NCOA2: variants seen among roughly 807,000 people sequenced by gnomAD.
NCOA2 encodes the protein nuclear receptor coactivator 2.
In NCOA2, 21 loss-of-function variants were observed where a neutral mutation model predicts 145.1. That is an observed-to-expected ratio of 0.14 (90% CI 0.10 to 0.21). The LOEUF (loss-of-function observed/expected upper bound fraction) is 0.21. Ranked by LOEUF, NCOA2 falls within the 10% of genes least tolerant of loss-of-function variation. The pLI, the probability that NCOA2 is intolerant of heterozygous loss-of-function variation, is 1.00. For missense variants in NCOA2, 1,472 were observed against 1,837.6 expected (o/e 0.80, Z 3.64); for synonymous variants, 619 against 637.5 (o/e 0.97, Z 0.44).
At chr8:70,278,991 C>G (rs1314067940) in intron 2 of NCOA2, among the ~76,000 whole-genome samples, 1 of 150,522 alleles carries the variant, frequency 6.6e-6, no homozygotes, top group African/African-American at 2.4e-5. Flanking sequence ...AAAAAAAAAT[C>G]ATTTCATTTC....
chr8:70,414,845 AATAGCC>A, the NCOA2 span, among the ~76,000 whole-genome samples: 1 of 152,238 alleles, frequency 6.6e-6, no homozygotes, highest in Non-Finnish European at 1.5e-5. Context: ...TGACACAACT[AATAGCC>A]ATTCAAGGAC....
the NCOA2 span, among the ~76,000 whole-genome samples, chr8:70,439,854 G>A: frequency 9.2e-5 from 14 of 152,294 alleles, no homozygotes; most frequent in East Asian, 5.8e-4. Context: ...AGGGCCTGCC[G>A]TGTGCTGGGC....
intron 1 of NCOA2, among the ~76,000 whole-genome samples, chr8:70,382,312 G>T (rs556790521): frequency 2.0e-5 from 3 of 152,022 alleles, no homozygotes; most frequent in Admixed American, 2.0e-4. Flanking sequence ...ACGGCTTTTT[G>T]ACTTCGAAGA....
intron 1 of NCOA2, among the ~76,000 whole-genome samples, chr8:70,385,092 C>T (rs1391918278): frequency 6.6e-6 from 1 of 152,196 alleles, no homozygotes; most frequent in African/African-American, 2.4e-5. Context: ...ACCATAAAAA[C>T]CTGACCATAA....
At chr8:70,443,838 G>A in the NCOA2 span, among the ~76,000 whole-genome samples, 2 of 152,112 alleles carry the variant, frequency 1.3e-5, no homozygotes, top group Admixed American at 6.5e-5. Context: ...GCCTCCCAAA[G>A]TGCTGCAATT....
chr8:70,130,736 TCA>T (rs1808996064), intron 16 of NCOA2, among the ~76,000 whole-genome samples: 1 of 152,192 alleles, frequency 6.6e-6, no homozygotes. Context: ...TGATGACACA[TCA>T]TATGGCCAAG....
chr8:70,346,650 T>C (rs1185781872), intron 1 of NCOA2, among the ~76,000 whole-genome samples: 2 of 152,194 alleles, frequency 1.3e-5, no homozygotes, highest in East Asian at 1.9e-4. Flanking sequence ...CGCCAATGCA[T>C]TGCTGGTTCT....
chr8:70,348,662 TA>T (rs898375090), intron 1 of NCOA2, among the ~76,000 whole-genome samples: 32 of 152,180 alleles, frequency 2.1e-4, no homozygotes, highest in African/African-American at 7.5e-4. Context: ...TGAGCACATG[TA>T]AGATAAGAGA....
chr8:70,257,447 C>G (rs559758300), intron 2 of NCOA2, among the ~76,000 whole-genome samples: 1 of 152,230 alleles, frequency 6.6e-6, no homozygotes, highest in East Asian at 1.9e-4. Context: ...ACCTAACAAT[C>G]TAGAGACAGA....
At chr8:70,231,154 CTG>C (rs778960125) in intron 2 of NCOA2, among the ~76,000 whole-genome samples, 7 of 152,188 alleles carry the variant, frequency 4.6e-5, no homozygotes, top group Non-Finnish European at 7.3e-5. Flanking sequence ...TCCAAGAAGA[CTG>C]TATTAATTTA....
chr8:70,400,831 T>TCC (rs758380493), intron 1 of NCOA2, among the ~76,000 whole-genome samples: 3 of 152,188 alleles, frequency 2.0e-5, no homozygotes, highest in Non-Finnish European at 4.4e-5. Context: ...AGAACTGCAG[T>TCC]CCCCTTCGAT....
intron 4 of NCOA2, among the ~76,000 whole-genome samples, chr8:70,194,329 A>C (rs1008517755): frequency 3.3e-5 from 5 of 152,348 alleles, no homozygotes; most frequent in Admixed American, 6.5e-5. Flanking sequence ...CTTGGCCCTC[A>C]GATTACATTC....
chr8:70,115,878 G>A (rs1807045195), intron 22 of NCOA2, among the ~76,000 whole-genome samples: 2 of 150,712 alleles, frequency 1.3e-5, no homozygotes, highest in Admixed American at 1.3e-4. Context: ...AAGATAAATG[G>A]AACAGTCAAT....
At chr8:70,171,400 T>G (rs1814239700) in intron 5 of NCOA2, among the ~76,000 whole-genome samples, 1 of 152,238 alleles carries the variant, frequency 6.6e-6, no homozygotes, top group Non-Finnish European at 1.5e-5. Context: ...GCTCATGCTT[T>G]GATGACCATT....
chr8:70,273,466 C>T (rs907317924), intron 2 of NCOA2: 1 of 629,402 alleles, frequency 1.6e-6, no homozygotes, highest in Non-Finnish European at 2.7e-6. Flanking sequence ...AGGTGGTTCA[C>T]AGAACAGCCA....
chr8:70,263,779 T>C (rs1824344044), intron 2 of NCOA2, among the ~76,000 whole-genome samples: 1 of 151,468 alleles, frequency 6.6e-6, no homozygotes, highest in Non-Finnish European at 1.5e-5. Flanking sequence ...GGGCAAAATA[T>C]ATTAACAGGC....
chr8:70,279,219 C>T (rs1825693757), intron 2 of NCOA2, among the ~76,000 whole-genome samples: 1 of 152,158 alleles, frequency 6.6e-6, no homozygotes. Context: ...GCCCTCTCTG[C>T]CTGGAATTAC....
chr8:70,353,631 G>C (rs1335636797), intron 1 of NCOA2, among the ~76,000 whole-genome samples: 2 of 151,798 alleles, frequency 1.3e-5, no homozygotes, highest in African/African-American at 4.8e-5. Context: ...CTAGAACCTT[G>C]TTACTTATCT....
intron 1 of NCOA2, among the ~76,000 whole-genome samples, chr8:70,303,670 A>G (rs573099526): frequency 6.6e-5 from 10 of 152,356 alleles, no homozygotes; most frequent in Non-Finnish European, 1.3e-4. Context: ...GGTTGCATCC[A>G]TCTTTGAGTA....
Sources: allele counts gnomAD v4.1 joint callset (sites outside exome capture counted in the v4.1 genomes callset), GRCh38; gene constraint gnomAD v4.1.1; transcripts MANE v1.5; gene names NCBI Gene and HGNC (gene_info 2026-07-23, HGNC 2026-07-21).